The following PRC1 variants were observed in gnomAD, a reference collection of about 807,000 sequenced individuals.
The protein encoded by PRC1 is protein regulator of cytokinesis 1.
A neutral mutation model predicts 91.2 loss-of-function variants in PRC1; 54 were observed. The ratio of observed to expected loss-of-function variants is 0.59; its 90% CI spans 0.48 to 0.74. The LOEUF is 0.74. PRC1 is among the 30% of genes least tolerant of loss of function. The pLI, the probability that PRC1 is intolerant of heterozygous loss-of-function variation, is 0.00. For synonymous variants in PRC1, 275 were observed against 263.6 expected (o/e 1.04, Z -0.42); for missense variants, 727 against 746.2 (o/e 0.97, Z 0.30).
In PRC1 at chr15:90,981,003, C is replaced by T. The variant is rs759517630; in HGVS notation, c.703G>A (p.Val235Met). The part of the protein sequence containing the change: ...LEMQKSQNEA[V>M]CEGLRTQIRE... ...ATTTGAGTACGCAGCCCCTCACACA[C>T]TGCTTCATTTTGTGATTTCTGCATT... Residue 235 changes from valine (V) to methionine (M), a missense_variant, in exon 6 of 15, where the codon GTG becomes ATG. Physicochemically the swap from Val to Met is conservative, Grantham distance 21. Coordinates refer to ENST00000394249, the MANE Select transcript of PRC1 (RefSeq NM_003981.4). The T allele has an allele frequency of 1.1e-5, 18 of 1,614,228 alleles. No individual in the cohort carries two copies. In the South Asian group the frequency reaches 2.0e-4, roughly 18 times the overall value.
chr15:90,967,711 C>T (rs1270426060), intron 14 of PRC1: 8 of 562,186 alleles, frequency 1.4e-5, no homozygotes, highest in East Asian at 2.8e-4. Flanking sequence ...AGGAGGAAAA[C>T]GCCATACCAT....
At chr15:90,978,454 A>T (rs552118689) in intron 8 of PRC1, among the ~76,000 whole-genome samples, 70 of 152,212 alleles carry the variant, frequency 4.6e-4, no homozygotes, top group Middle Eastern at 3.4e-3. Context: ...ACCACACTGT[A>T]TGACATGTGC....
rs139104783 is a variant in PRC1, at chr15:90,975,968, A to G, written c.1203+708T>C. 6.6e-5 allele frequency among the ~76,000 whole-genome samples: 10 copies of G among 152,318 alleles called. No homozygotes were observed. The East Asian group carries it at 1.7e-3, about 26-fold the overall frequency. Reference sequence around the variant, plus strand: ...GACAACCATTTACAAAGCCAAGGAGAAAGGCCTCAGAAGAAACCAACTCTG... The same window carrying G: ...GACAACCATTTACAAAGCCAAGGAGGAAGGCCTCAGAAGAAACCAACTCTG... On this transcript the variant is annotated intron_variant, in intron 9 of 14. Transcript: ENST00000394249.
In PRC1 at chr15:90,968,040, A is replaced by G. The variant is rs75387184; in HGVS notation, c.1792-838T>C. 5.0e-3 allele frequency: 4,942 copies of G among 985,200 alleles called. 196 individuals carry two copies. The African/African-American group carries it at 0.081, about 16-fold the overall frequency. The allele number at this position is 985,200 out of a possible 1,614,324, so 61.0% of individuals were successfully genotyped here. ...AAAGCATGAATGGCTATTGAGAAAG[A>G]CAGATATTAGCAGAGGTTAGTTTAC... is the stretch of plus-strand genomic sequence containing the variant. On this transcript the variant is annotated intron_variant, in intron 14 of 14. Coordinates refer to ENST00000394249, the MANE Select transcript of PRC1 (RefSeq NM_003981.4).
At chr15:90,968,101 T>A in intron 14 of PRC1, 3 of 985,374 alleles carry the variant, frequency 3.0e-6, no homozygotes, top group Non-Finnish European at 3.6e-6. Flanking sequence ...CTATCAGCCA[T>A]AGCAACCCAA....
Position 90,991,357 on chromosome 15 carries a change from G to A in PRC1, c.11+3050C>T, listed in dbSNP as rs1397837096. The stretch of plus-strand genomic sequence containing the variant: ...CTTGAACCCGGTGAACCCAGGAGGC[G>A]GAGGTTGCAGTGAGCTGAGATCATG... On this transcript the variant is annotated intron_variant, in intron 1 of 14. Coordinates refer to ENST00000394249, the MANE Select transcript of PRC1 (RefSeq NM_003981.4). 3.3e-5 allele frequency among the ~76,000 whole-genome samples: 5 copies of A among 151,484 alleles called. 1 individual carries two copies. Among genetic ancestry groups the A allele is most frequent in the Admixed American group, 1.3e-4 (2 of 15,240 alleles).
At chr15:90,970,610 G>A (rs974872370) in intron 11 of PRC1, 96 bp from the exon 12 acceptor site, 40 of 850,192 alleles carry the variant, frequency 4.7e-5, no homozygotes, top group Non-Finnish European at 7.4e-5. Flanking sequence ...ATGGGAGGAG[G>A]CAGTCTAGGG....
Position 90,984,264 on chromosome 15 carries a change from T to C in PRC1, c.145-124A>G. The C allele has an allele frequency of 7.5e-7, 1 of 1,338,600 alleles. No homozygotes were observed. The highest frequency in any genetic ancestry group is 1.0e-6 in the Non-Finnish European group (1 of 982,652). The allele number at this position is 1,338,600 out of a possible 1,614,324, so 82.9% of individuals were successfully genotyped here. A position where few individuals can be genotyped will look rare whatever the true frequency, so the allele number is the denominator to read the frequency against. On this transcript the variant is annotated intron_variant, in intron 2 of 14. Transcript: ENST00000394249. The surrounding 1 kb of genome is among the most constrained non-coding windows in gnomAD (Gnocchi z 5.1). ...TTTTCTTTGAGATGGAGTCTCGCTC[T>C]GTTGCCCAGGCTGGAGTGCAATGGC... is the stretch of plus-strand genomic sequence containing the variant.
intron 11 of PRC1, among the ~76,000 whole-genome samples, chr15:90,972,207 C>A (rs1390050391): frequency 6.2e-5 from 8 of 128,990 alleles, no homozygotes; most frequent in South Asian, 5.4e-4. Flanking sequence ...AAAAAAAACA[C>A]CACCAACAAA....
chr15:90,982,184 TCCC>T lies in PRC1; in HGVS notation c.268-206_268-204del, dbSNP rs2039249999. ...AAGTGAGTAAGTACCAGGGTACTTT[TCCC>T]CCCAATTTTAAAACTTGTGGTAGAA... On this transcript the variant is annotated intron_variant, in intron 3 of 14. Coordinates refer to ENST00000394249, the MANE Select transcript of PRC1 (RefSeq NM_003981.4). The T allele has an allele frequency of 1.2e-5, 7 of 589,934 alleles. No individual in the cohort carries two copies. In the South Asian group the frequency reaches 1.2e-4, roughly 10 times the overall value. 36.5% of individuals were successfully genotyped at this position (589,934 alleles called of 1,614,324 possible).
rs202067482 is a variant in PRC1, at chr15:90,970,449, T to C, written c.1527A>G (p.Thr509=). ...GTCGAGACACGGGGGAGTGGTAGAC[T>C]GTCCCTCCAAAGATAGGCCGAATGC... ...NSSIRPIFGG[T]VYHSPVSRLP... Residue 509 remains threonine (T), a synonymous_variant, in exon 12 of 15, where the codon ACA becomes ACG. Coordinates refer to ENST00000394249, the MANE Select transcript of PRC1 (RefSeq NM_003981.4). The C allele has an allele frequency of 1.6e-4, 253 of 1,613,786 alleles. No individual in the cohort carries two copies. Among genetic ancestry groups the C allele is most frequent in the Non-Finnish European group, 1.8e-4 (208 of 1,179,706 alleles).
chr15:90,981,117 G>C (rs2039161458), intron 5 of PRC1, 84 bp from the exon 6 acceptor site: 17 of 1,552,596 alleles, frequency 1.1e-5, no homozygotes, highest in South Asian at 4.7e-5. Flanking sequence ...GAAATGTCTG[G>C]AGTAGAGGAG....
intron 9 of PRC1, among the ~76,000 whole-genome samples, chr15:90,975,294 G>A (rs1370843093): frequency 6.6e-6 from 1 of 152,040 alleles, no homozygotes; most frequent in Admixed American, 6.6e-5. Flanking sequence ...AGTAGAGATG[G>A]GGTTTCGTCA....
At chr15:90,975,027 A>C (rs190589851) in intron 9 of PRC1, among the ~76,000 whole-genome samples, 106 of 152,346 alleles carry the variant, frequency 7.0e-4, no homozygotes, top group African/African-American at 2.5e-3. Context: ...TAGGCGGTGA[A>C]CATTAGGAGC....
rs2038479549 is a variant in PRC1, at chr15:90,974,431, T to TC, written c.1350+153dup. On this transcript the variant is annotated intron_variant, in intron 10 of 14. Transcript: ENST00000394249. The surrounding 1 kb of genome is among the most constrained non-coding windows in gnomAD (Gnocchi z 4.6). Reference sequence around the variant, plus strand: ...CGTTCCACAAGCCCCGGTCCCCGGCTCCCCGTTCCACAAGCCCCGGTCCCC... The same window carrying TC: ...CGTTCCACAAGCCCCGGTCCCCGGCTCCCCCGTTCCACAAGCCCCGGTCCCC... 9.7e-6 allele frequency: 12 copies of TC among 1,231,920 alleles called. No homozygotes were observed. In the South Asian group the frequency reaches 1.7e-4, roughly 18 times the overall value. The allele number at this position is 1,231,920 out of a possible 1,614,324, so 76.3% of individuals were successfully genotyped here.
intron 8 of PRC1, chr15:90,977,161 A>T (rs2038792739): frequency 6.7e-6 from 1 of 149,946 alleles, no homozygotes; most frequent in African/African-American, 2.5e-5. Context: ...AAAGCTTCTC[A>T]TTCTTTTTAA....
Position 90,969,299 on chromosome 15 carries a change from C to A in PRC1, c.1749+148G>T. On this transcript the variant is annotated intron_variant, in intron 13 of 14. Transcript: ENST00000394249. ...ACACAACCCCCCCTTAAATCACACCCACCCTGCCATGGTCAAAGCAGGAAA... is the reference window on the plus strand; with the variant it reads ...ACACAACCCCCCCTTAAATCACACCAACCCTGCCATGGTCAAAGCAGGAAA... 3 of 1,221,034 alleles carry A rather than the reference C, an allele frequency of 2.5e-6. No homozygotes were observed. The East Asian group carries it at 7.4e-5, about 30-fold the overall frequency. 75.6% of individuals were successfully genotyped at this position (1,221,034 alleles called of 1,614,324 possible). A position where few individuals can be genotyped will look rare whatever the true frequency, so the allele number is the denominator to read the frequency against.
In PRC1 at chr15:90,969,132, GAATT is replaced by G. The variant is rs764774809; in HGVS notation, c.1750-16_1750-13del. On this transcript the variant is annotated splice_polypyrimidine_tract_variant and intron_variant, in intron 13 of 14. Transcript: ENST00000394249. ...AGGGACGGATCCTTCTAAGAACAAA[GAATT>G]AAGACAATTACCAAGAACTCCACCA... 31 of 1,609,084 alleles carry G rather than the reference GAATT, an allele frequency of 1.9e-5. No homozygotes were observed. The highest frequency in any genetic ancestry group is 5.4e-5 in the African/African-American group (4 of 74,762).
rs111722846 is a variant in PRC1 at position 90,970,367 on chromosome 15, G to A, written c.1572+37C>T. 4.5e-3 allele frequency: 6,510 copies of A among 1,453,288 alleles called. 257 individuals are homozygous for A. In the African/African-American group the frequency reaches 0.081, roughly 18 times the overall value. The allele number at this position is 1,453,288 out of a possible 1,614,324, so 90.0% of individuals were successfully genotyped here. On this transcript the variant is annotated intron_variant, in intron 12 of 14. Coordinates refer to ENST00000394249, the MANE Select transcript of PRC1 (RefSeq NM_003981.4). ...GCCTCTGGGTGAACAGGCTAGGGACGCATGTGAGGATGTGCTTAGACACAG... is the reference window on the plus strand; with the variant it reads ...GCCTCTGGGTGAACAGGCTAGGGACACATGTGAGGATGTGCTTAGACACAG...
Sources: gnomAD v4.1 joint callset for allele counts (sites outside exome capture counted in the v4.1 genomes callset) on GRCh38, gnomAD v4.1.1 for gene constraint, Gnocchi (gnomAD v3.1) non-coding constraint, MANE v1.5 for transcripts, NCBI Gene and HGNC (gene_info 2026-07-23, HGNC 2026-07-21) for gene names.